Variants in ABHD2 observed in about 807,000 individuals in gnomAD.
The protein encoded by ABHD2 is abhydrolase domain containing 2, acylglycerol lipase.
A neutral mutation model predicts 48.1 loss-of-function variants in ABHD2; 20 were observed. The ratio of observed to expected loss-of-function variants is 0.42; its 90% CI spans 0.29 to 0.60. The LOEUF (loss-of-function observed/expected upper bound fraction) is 0.60. ABHD2 is among the 20% of genes least tolerant of loss of function. The pLI is 0.24. For missense variants in ABHD2, 405 were observed against 550.9 expected, an observed-to-expected ratio of 0.74 and a Z score of 2.65; for synonymous variants, 209 against 214.2, an observed-to-expected ratio of 0.98 and a Z score of 0.21.
chr15:89,144,616 G>C (rs2050462538), intron 3 of ABHD2, among the ~76,000 whole-genome samples: 3 of 152,318 alleles, frequency 2.0e-5, no homozygotes, highest in Middle Eastern at 3.4e-3. Context: ...TAATTCTGTT[G>C]ATAAGAAATA....
At position 89,174,485 on chromosome 15, in the gene ABHD2, T is replaced by G. The variant is rs1475413575; in HGVS notation, c.539-1327T>G. Among the ~76,000 whole-genome samples the G allele has an allele frequency of 2.6e-5, 4 of 152,208 alleles. No individual in the cohort carries two copies. Among genetic ancestry groups the G allele is most frequent in the Non-Finnish European group, 4.4e-5 (3 of 68,036 alleles). Reference sequence around the variant, plus strand: ...CTGCAGCTTAAGAACTGCATGGGGCTGTGCCGGCCTGGCTTAGGCTACATC... The same window carrying G: ...CTGCAGCTTAAGAACTGCATGGGGCGGTGCCGGCCTGGCTTAGGCTACATC... On this transcript the variant is annotated intron_variant, in intron 5 of 10. Coordinates refer to ENST00000352732, the MANE Select transcript of ABHD2 (RefSeq NM_152924.5). The surrounding 1 kb of genome is among the most constrained non-coding windows in gnomAD (Gnocchi z 4.1).
Position 89,146,386 on chromosome 15 carries a change from G to A in ABHD2, c.195-5291G>A, listed in dbSNP as rs1456436148. Among the ~76,000 whole-genome samples, 1 of 148,824 alleles carries A rather than the reference G, an allele frequency of 6.7e-6. No individual in the cohort carries two copies. Among genetic ancestry groups the A allele is most frequent in the East Asian group, 1.9e-4 (1 of 5,144 alleles). On this transcript the variant is annotated intron_variant, in intron 3 of 10. Transcript: ENST00000352732. The surrounding 1 kb of genome is among the most constrained non-coding windows in gnomAD (Gnocchi z 4.2). Reference sequence around the variant, plus strand: ...TGTGTGTGTGTGTGTGTGTGTGTGTGTGTGTGTGTGTGTACGTATGTATAT... The same window carrying A: ...TGTGTGTGTGTGTGTGTGTGTGTGTATGTGTGTGTGTGTACGTATGTATAT...
At chr15:89,044,369 T>G in the ABHD2 span, among the ~76,000 whole-genome samples, 1 of 152,208 alleles carries the variant, frequency 6.6e-6, no homozygotes, top group Admixed American at 6.5e-5. Flanking sequence ...AACATAGGTG[T>G]GCATGTGTCT....
chr15:89,149,638 A>C (rs1162358526), intron 3 of ABHD2, among the ~76,000 whole-genome samples: 2 of 152,206 alleles, frequency 1.3e-5, no homozygotes, highest in Admixed American at 1.3e-4. Flanking sequence ...TTGAAAGACA[A>C]GTAGTAGGTG....
At chr15:89,181,068 A>G (rs967465336) in intron 6 of ABHD2, among the ~76,000 whole-genome samples, 16 of 151,924 alleles carry the variant, frequency 1.1e-4, no homozygotes, top group Non-Finnish European at 1.9e-4. Context: ...TCTACTAGAA[A>G]TACAAAAATT....
In ABHD2 at chr15:89,184,392, C is replaced by G. The variant is rs948235469; in HGVS notation, c.723-1032C>G. ...CTCACTTACCATCTGGAAGATGGAACCTAGTAGAAGTAGTGACGTCCAGAT... is the reference window on the plus strand; with the variant it reads ...CTCACTTACCATCTGGAAGATGGAAGCTAGTAGAAGTAGTGACGTCCAGAT... On this transcript the variant is annotated intron_variant, in intron 6 of 10. Transcript: ENST00000352732. The surrounding 1 kb of genome is among the most constrained non-coding windows in gnomAD (Gnocchi z 5.1). Among the ~76,000 whole-genome samples, 1 of 152,186 alleles carries G rather than the reference C, an allele frequency of 6.6e-6. No individual in the cohort carries two copies. The highest frequency in any genetic ancestry group is 1.5e-5 in the Non-Finnish European group (1 of 68,040).
intron 3 of ABHD2, among the ~76,000 whole-genome samples, chr15:89,131,795 C>T (rs932668224): frequency 1.3e-5 from 2 of 151,752 alleles, no homozygotes; most frequent in Non-Finnish European, 2.9e-5. Context: ...AAAGAATGGG[C>T]GAGGGGAAAA....
the ABHD2 span, among the ~76,000 whole-genome samples, chr15:89,055,795 C>T: frequency 6.6e-6 from 1 of 152,106 alleles, no homozygotes; most frequent in Non-Finnish European, 1.5e-5. Context: ...ATCAATATTA[C>T]TTGTCAAAAT....
rs538615976 is a variant in ABHD2, at chr15:89,168,918, G to A, written c.539-6894G>A. On this transcript the variant is annotated intron_variant, in intron 5 of 10. Coordinates refer to ENST00000352732, the MANE Select transcript of ABHD2 (RefSeq NM_152924.5). The surrounding 1 kb of genome is among the most constrained non-coding windows in gnomAD (Gnocchi z 4.8). ...ATAGTGGAACCTCCCAGGCAAGTTC[G>A]CCCATCTCTACAAAAAATCAGAAAT... Among the ~76,000 whole-genome samples the A allele has an allele frequency of 3.9e-5, 6 of 151,986 alleles. No homozygotes were observed. Among genetic ancestry groups the A allele is most frequent in the South Asian group, 2.1e-4 (1 of 4,804 alleles).
Position 89,091,377 on chromosome 15 carries a change from C to G in ABHD2, c.-107+2814C>G, listed in dbSNP as rs1438996197. 6.6e-6 allele frequency among the ~76,000 whole-genome samples: 1 copy of G among 152,172 alleles called. No homozygotes were observed. Among genetic ancestry groups the G allele is most frequent in the Non-Finnish European group, 1.5e-5 (1 of 68,018 alleles). The stretch of plus-strand genomic sequence containing the variant: ...TTCTGAATTTCGGTTTTTGTTTAAG[C>G]TGTTCTAGAGATCAGCCATTTTAGA... On this transcript the variant is annotated intron_variant, in intron 1 of 10. Coordinates refer to ENST00000352732, the MANE Select transcript of ABHD2 (RefSeq NM_152924.5). This position sits in a 1 kb window ranked among gnomAD's most constrained non-coding sequence, Gnocchi z 5.5.
At chr15:89,128,019 A>T (rs2050163650) in intron 3 of ABHD2, among the ~76,000 whole-genome samples, 1 of 152,140 alleles carries the variant, frequency 6.6e-6, no homozygotes, top group Non-Finnish European at 1.5e-5. Flanking sequence ...CCTCAAGTGT[A>T]TTCTGAGAGG....
chr15:89,059,558 A>G, the ABHD2 span, among the ~76,000 whole-genome samples: 13 of 152,260 alleles, frequency 8.5e-5, no homozygotes, highest in East Asian at 2.5e-3. Context: ...AAGGGGAAAA[A>G]AACCTCTTGA....
Position 89,191,069 on chromosome 15 carries a change from G to A in ABHD2, c.927-11G>A, listed in dbSNP as rs769091244. 26 of 1,611,142 alleles carry A rather than the reference G, an allele frequency of 1.6e-5. No individual in the cohort carries two copies. In the Admixed American group the frequency reaches 2.0e-4, roughly 13 times the overall value. ...TCCTTTTTCTTTTTTTCTTTTTCTG[G>A]TGTGTTGCAGGAAGTTTCACGGCTA... On this transcript the variant is annotated splice_polypyrimidine_tract_variant and intron_variant, in intron 8 of 10. Coordinates refer to ENST00000352732, the MANE Select transcript of ABHD2 (RefSeq NM_152924.5).
At chr15:89,074,422 C>T in the ABHD2 span, among the ~76,000 whole-genome samples, 1 of 151,848 alleles carries the variant, frequency 6.6e-6, no homozygotes, top group Non-Finnish European at 1.5e-5. Flanking sequence ...ATTCTGATGC[C>T]AGTGTTCTTT....
the ABHD2 span, among the ~76,000 whole-genome samples, chr15:89,076,626 G>A: frequency 6.6e-6 from 1 of 152,106 alleles, no homozygotes; most frequent in African/African-American, 2.4e-5. Context: ...TGGGACTACA[G>A]GTGCATGCCA....
Position 89,137,967 on chromosome 15 carries a change from T to C in ABHD2, c.195-13710T>C, listed in dbSNP as rs937359305. On this transcript the variant is annotated intron_variant, in intron 3 of 10. Transcript: ENST00000352732. The surrounding 1 kb of genome is among the most constrained non-coding windows in gnomAD (Gnocchi z 4.8). ...GCTTCCAGTGGGGGCTGTGTCCTAGTGGAGAAGGGTGAAGCCCAGTGGGAT... is the reference window on the plus strand; with the variant it reads ...GCTTCCAGTGGGGGCTGTGTCCTAGCGGAGAAGGGTGAAGCCCAGTGGGAT... Among the ~76,000 whole-genome samples, 5 of 152,038 alleles carry C rather than the reference T, an allele frequency of 3.3e-5. No individual in the cohort carries two copies. Among genetic ancestry groups the C allele is most frequent in the African/African-American group, 1.2e-4 (5 of 41,384 alleles).
At chr15:89,158,635 G>A (rs2050712693) in intron 5 of ABHD2, among the ~76,000 whole-genome samples, 1 of 152,180 alleles carries the variant, frequency 6.6e-6, no homozygotes, top group Admixed American at 6.5e-5. Flanking sequence ...AATTAAATGT[G>A]GGTTACTGAG....
At chr15:89,148,118 C>CAAAA (rs10711138) in intron 3 of ABHD2, among the ~76,000 whole-genome samples, 30 of 69,530 alleles carry the variant, frequency 4.3e-4, no homozygotes, top group Admixed American at 7.4e-4. Context: ...GACTCCGTCT[C>CAAAA]AAAAAAAAAA....
At chr15:89,148,159 A>C (rs2050529162) in intron 3 of ABHD2, among the ~76,000 whole-genome samples, 1 of 151,608 alleles carries the variant, frequency 6.6e-6, no homozygotes, top group Non-Finnish European at 1.5e-5. Flanking sequence ...AAATAAAGTT[A>C]AAATATACAA....
Sources: gnomAD v4.1 joint callset for allele counts (sites outside exome capture counted in the v4.1 genomes callset) on GRCh38, gnomAD v4.1.1 for gene constraint, Gnocchi (gnomAD v3.1) non-coding constraint, MANE v1.5 for transcripts, NCBI Gene and HGNC (gene_info 2026-07-23, HGNC 2026-07-21) for gene names.